Variants in NBPF19 observed in about 807,000 individuals in gnomAD.
NBPF19 encodes the protein NBPF family member NBPF19.
A neutral mutation model predicts 45.9 loss-of-function variants in NBPF19; 30 were observed. The ratio of observed to expected loss-of-function variants is 0.65; its 90% confidence interval spans 0.49 to 0.89. NBPF19 has a LOEUF of 0.89. NBPF19 is among the 40% of genes least tolerant of loss of function. The pLI, the probability that NBPF19 is intolerant of heterozygous loss-of-function variation, is 0.00. For synonymous variants in NBPF19, 183 were observed against 181.2 expected (o/e 1.01, Z -0.08); for missense variants, 495 against 471.8 (o/e 1.05, Z -0.46).
In NBPF19 at chr1:149,491,028, C is replaced by G. The variant is rs1274822485; in HGVS notation, c.1491-111C>G. The G allele has an allele frequency of 8.0e-5, 36 of 452,520 alleles. 3 individuals are homozygous for G. Among genetic ancestry groups the G allele is most frequent in the Non-Finnish European group, 1.3e-4 (35 of 265,522 alleles). The allele number at this position is 452,520 out of a possible 1,614,324, so 28.0% of individuals were successfully genotyped here. On this transcript the variant is annotated intron_variant, in intron 13 of 93. Transcript: ENST00000651566. ...ATAATTTGTTACCTCATTAATGGAT[C>G]TATCCTTTTACTTTCTTAACCACTT...
At chr1:149,483,474 C>T (rs1367939806) in intron 7 of NBPF19, among the ~76,000 whole-genome samples, 10 of 111,862 alleles carry the variant, frequency 8.9e-5, no homozygotes, top group African/African-American at 3.5e-4. Context: ...TGGGTCTTGA[C>T]TCTTTATCCA....
Position 149,554,930 on chromosome 1 carries a change from G to A in NBPF19, c.*192G>A. ...TCTGAAGACAATGGACCCACGTTAG[G>A]TGTGACACGTTCACATAACTGTGCA... On this transcript the variant is annotated 3_prime_UTR_variant, in exon 94 of 94. Transcript: ENST00000651566. 1 of 964,290 alleles carries A rather than the reference G, an allele frequency of 1.0e-6. No individual in the cohort carries two copies. The highest frequency in any genetic ancestry group is 2.5e-5 in the Admixed American group (1 of 39,720). The allele number at this position is 964,290 out of a possible 1,614,324, so 59.7% of individuals were successfully genotyped here. A position where few individuals can be genotyped will look rare whatever the true frequency, so the allele number is the denominator to read the frequency against.
rs1481285140 is a variant in NBPF19, at chr1:149,486,160, C to T, written c.855C>T (p.Val285=). The T allele has an allele frequency of 4.5e-5, 20 of 441,958 alleles. No homozygotes were observed. Among genetic ancestry groups the T allele is most frequent in the Admixed American group, 2.0e-4 (4 of 20,306 alleles). The allele number at this position is 441,958 out of a possible 1,614,324, so 27.4% of individuals were successfully genotyped here. A position where few individuals can be genotyped will look rare whatever the true frequency, so the allele number is the denominator to read the frequency against. Residue 285 remains valine, a synonymous_variant, in exon 8 of 94, where the codon GTC becomes GTT. Transcript: ENST00000651566. The part of the protein sequence containing the change: ...RNLQESEEEE[V]PQESWDEGYS... The stretch of plus-strand genomic sequence containing the variant: ...TGCAGGAGTCTGAAGAGGAGGAAGT[C>T]CCCCAGGAGTCCTGGGATGAAGGTT...
At chr1:149,482,643 A>T (rs9441414) in intron 7 of NBPF19, among the ~76,000 whole-genome samples, 1 of 152,040 alleles carries the variant, frequency 6.6e-6, no homozygotes, top group African/African-American at 2.4e-5. Flanking sequence ...TCCATTTTAG[A>T]TCTTTTCTGC....
rs1156312702 is a variant in NBPF19, at chr1:149,555,601, A to C, written c.*863A>C. 6.7e-6 allele frequency: 1 copy of C among 148,712 alleles called. No homozygotes were observed. Among genetic ancestry groups the C allele is most frequent in the Non-Finnish European group, 1.5e-5 (1 of 66,726 alleles). The allele number at this position is 148,712 out of a possible 1,614,324, so 9.2% of individuals were successfully genotyped here. ...CCATATCACCACAAATCACACAACAAAAAGGAGAAGATATATTTTGGGTTC... is the reference window on the plus strand; with the variant it reads ...CCATATCACCACAAATCACACAACACAAAGGAGAAGATATATTTTGGGTTC... On this transcript the variant is annotated 3_prime_UTR_variant, in exon 94 of 94. Coordinates refer to ENST00000651566, the MANE Select transcript of NBPF19 (RefSeq NM_001351365.2).
intron 8 of NBPF19, 86 bp from the exon 9 acceptor site, chr1:149,487,246 G>C: frequency 3.4e-6 from 3 of 888,500 alleles, no homozygotes; most frequent in South Asian, 1.3e-5. Context: ...CAAGACTGAT[G>C]TCCCTGTGTT....
At chr1:149,512,177 T>C (rs1183338824) in intron 40 of NBPF19, among the ~76,000 whole-genome samples, 197 bp downstream of exon 40, 8 of 143,816 alleles carry the variant, frequency 5.6e-5, no homozygotes, top group East Asian at 4.0e-4. Flanking sequence ...AAGGCTCTCT[T>C]CCTAGTCTCA....
chr1:149,488,335 C>A, intron 10 of NBPF19, 150 bp downstream of exon 10: 1 of 638,262 alleles, frequency 1.6e-6, no homozygotes, highest in Non-Finnish European at 2.8e-6. Context: ...AACTCTAGTT[C>A]CACTTGGCAG....
intron 8 of NBPF19, 108 bp from the exon 9 acceptor site, chr1:149,487,224 T>G (rs2085584014): frequency 1.1e-5 from 9 of 832,782 alleles, no homozygotes; most frequent in Non-Finnish European, 1.9e-5. Context: ...AAGTCTCCTG[T>G]TCTCACACTG....
intron 13 of NBPF19, among the ~76,000 whole-genome samples, chr1:149,490,847 C>A (rs1456396044): frequency 1.1e-4 from 12 of 111,050 alleles, no homozygotes; most frequent in African/African-American, 4.5e-4. Flanking sequence ...GTTACTCCCT[C>A]ATCAGTGTGT....
In NBPF19 at chr1:149,478,901, C is replaced by T. The variant is rs1391091018; in HGVS notation, c.300C>T (p.His100=). 55 of 1,606,230 alleles carry T rather than the reference C, an allele frequency of 3.4e-5. 2 individuals are homozygous for T. Among genetic ancestry groups the T allele is most frequent in the Non-Finnish European group, 4.3e-5 (51 of 1,175,326 alleles). The change falls in exon 4 of 94, where the codon CAC becomes CAT. Residue 100 remains histidine, a synonymous_variant. Transcript: ENST00000651566. ...EELRQYKVLF[H]SQERELTQLR... is the part of the protein sequence containing the mutation. ...TTAGGCAATATAAAGTCCTGTTTCACTCTCAGGAACGAGAGCTGACCCAGT... is the reference window on the plus strand; with the variant it reads ...TTAGGCAATATAAAGTCCTGTTTCATTCTCAGGAACGAGAGCTGACCCAGT...
In NBPF19 at chr1:149,554,389, C is replaced by G. The variant is rs1400046976; in HGVS notation, c.11289-106C>G. On this transcript the variant is annotated intron_variant, in intron 93 of 93. Coordinates refer to ENST00000651566, the MANE Select transcript of NBPF19 (RefSeq NM_001351365.2). ...TTTTTTACCTCATTAATGGATCTAT[C>G]CTTTTTCTTTTCTAACCACTTCCTT... The G allele has an allele frequency of 8.1e-6, 13 of 1,600,868 alleles. No individual in the cohort carries two copies. In the East Asian group the frequency reaches 8.9e-5, roughly 11 times the overall value.
Position 149,554,834 on chromosome 1 carries a change from G to C in NBPF19, c.*96G>C, listed in dbSNP as rs1170055166. On this transcript the variant is annotated 3_prime_UTR_variant, in exon 94 of 94. Coordinates refer to ENST00000651566, the MANE Select transcript of NBPF19 (RefSeq NM_001351365.2). ...AACTACAGTTCCATTTGGAAGCCCA[G>C]ACATAGGATGGGTCAGTGGGCATGG... is the stretch of plus-strand genomic sequence containing the variant. 6.3e-7 allele frequency: 1 copy of C among 1,584,122 alleles called. No homozygotes were observed. The highest frequency in any genetic ancestry group is 1.3e-5 in the African/African-American group (1 of 74,250).
intron 73 of NBPF19, among the ~76,000 whole-genome samples, chr1:149,538,453 G>T (rs1489504193): frequency 5.8e-5 from 2 of 34,362 alleles, no homozygotes; most frequent in African/African-American, 1.6e-4. Context: ...GTGTGTGTGT[G>T]TGTGTGTGTG....
intron 2 of NBPF19, among the ~76,000 whole-genome samples, 192 bp from the exon 3 acceptor site, chr1:149,477,753 G>A (rs1356378459): frequency 6.0e-5 from 9 of 151,180 alleles, no homozygotes; most frequent in East Asian, 3.9e-4. Context: ...CTCTTTCTTC[G>A]TCTTTAAATT....
intron 9 of NBPF19, among the ~76,000 whole-genome samples, chr1:149,487,809 G>GTGTGTGTT (rs1215336689): frequency 1.3e-5 from 2 of 149,486 alleles, no homozygotes; most frequent in Non-Finnish European, 3.0e-5. Flanking sequence ...GTGTGTGTGT[G>GTGTGTGTT]TGTGTGTGTG....
chr1:149,476,963 C>A (rs1417995295), intron 2 of NBPF19, among the ~76,000 whole-genome samples: 2 of 150,810 alleles, frequency 1.3e-5, no homozygotes, highest in Non-Finnish European at 3.0e-5. Context: ...ATAAATAAAT[C>A]AAAAATAAAA....
At chr1:149,512,225 A>G (rs1452009326) in intron 40 of NBPF19, among the ~76,000 whole-genome samples, 1 of 145,984 alleles carries the variant, frequency 6.9e-6, no homozygotes, top group Non-Finnish European at 1.5e-5. Flanking sequence ...CTCTCATGAC[A>G]TTGGACCTGG....
intron 10 of NBPF19, among the ~76,000 whole-genome samples, chr1:149,488,404 T>C (rs1231461938): frequency 2.1e-5 from 3 of 142,304 alleles, no homozygotes; most frequent in Admixed American, 7.2e-5. Flanking sequence ...GCCATACCTG[T>C]GGCGCCCTAA....
Sources: allele counts gnomAD v4.1 joint callset (sites outside exome capture counted in the v4.1 genomes callset), GRCh38; gene constraint gnomAD v4.1.1; transcripts MANE v1.5; gene names NCBI Gene and HGNC (gene_info 2026-07-23, HGNC 2026-07-21).